GATM: variants seen among roughly 807,000 people sequenced by gnomAD.
GATM encodes the protein glycine amidinotransferase.
In GATM, 23 loss-of-function variants were observed where a neutral mutation model predicts 54.2. The ratio of observed to expected loss-of-function variants is 0.42; its 90% CI spans 0.31 to 0.60. The LOEUF (loss-of-function observed/expected upper bound fraction) is 0.60, where lower values mean the gene tolerates loss of function less well. Ranked by LOEUF, GATM falls within the 20% of genes least tolerant of loss-of-function variation. The pLI is 0.14. For missense variants in GATM, 401 were observed against 544.9 expected, an observed-to-expected ratio of 0.74 and a Z score of 2.63; for synonymous variants, 168 against 183.1, an observed-to-expected ratio of 0.92 and a Z score of 0.67.
chr15:45,366,219 A>G lies in GATM; in HGVS notation c.814-9T>C, dbSNP rs774614737. The G allele has an allele frequency of 1.3e-5, 21 of 1,613,994 alleles. No individual in the cohort carries two copies. Among genetic ancestry groups the G allele is most frequent in the Non-Finnish European group, 1.5e-5 (18 of 1,179,976 alleles). On this transcript the variant is annotated splice_polypyrimidine_tract_variant and intron_variant, in intron 5 of 8. Transcript: ENST00000396659. The stretch of plus-strand genomic sequence containing the variant: ...CCTAGGTAGTTTGTAACCTGAAAAC[A>G]AAAGAAAGACATACGATCGATAAAT...
Position 45,361,913 on chromosome 15 carries a change from G to A in GATM, c.*196C>T. The stretch of plus-strand genomic sequence containing the variant: ...CAAATAGTAAATAACTTTAGGAGTA[G>A]AGAGTAATACCTAGCAGAAGTTATT... On this transcript the variant is annotated 3_prime_UTR_variant, in exon 9 of 9. Transcript: ENST00000396659. 1 of 588,974 alleles carries A rather than the reference G, an allele frequency of 1.7e-6. No individual in the cohort carries two copies. The highest frequency in any genetic ancestry group is 3.0e-6 in the Non-Finnish European group (1 of 331,412). 36.5% of individuals were successfully genotyped at this position (588,974 alleles called of 1,614,324 possible).
chr15:45,395,061 TAGAA>T (rs1165952981), intron 3 of GATM, among the ~76,000 whole-genome samples: 2 of 152,174 alleles, frequency 1.3e-5, no homozygotes, highest in Non-Finnish European at 2.9e-5. Flanking sequence ...TTTAGTGTCT[TAGAA>T]AGAAGAAATC....
In GATM at chr15:45,392,074, T is replaced by G. The variant is rs189744420; in HGVS notation, c.-319+4848A>C. 1.3e-3 allele frequency among the ~76,000 whole-genome samples: 195 copies of G among 152,262 alleles called. 7 individuals carry two copies. The highest frequency in any genetic ancestry group is 1.7e-3 in the Admixed American group (26 of 15,294). On this transcript the variant is annotated intron_variant, in intron 3 of 4. Coordinates refer to the GATM transcript ENST00000561148. The stretch of plus-strand genomic sequence containing the variant: ...TGTACCTCAGCTTTCTCAAATATAA[T>G]AAGGATAATAATAGCATGTAACTCA...
At chr15:45,372,704 G>A (rs988333386) in intron 2 of GATM, among the ~76,000 whole-genome samples, 1 of 152,194 alleles carries the variant, frequency 6.6e-6, no homozygotes, top group Non-Finnish European at 1.5e-5. Flanking sequence ...ATTTGTGCAG[G>A]GTGAAGCTTG....
intron 3 of GATM, among the ~76,000 whole-genome samples, chr15:45,394,552 A>C (rs1889906414): frequency 6.6e-6 from 1 of 152,232 alleles, no homozygotes; most frequent in Admixed American, 6.5e-5. Flanking sequence ...TGTTTGCCAA[A>C]ACTTCATTCC....
rs1203613389 is a variant in GATM, at chr15:45,364,855, A to T, written c.984T>A (p.Asp328Glu). The change falls in exon 7 of 9, where the codon GAT becomes GAA. Residue 328 changes from aspartate to glutamate, a missense_variant. Transcript: ENST00000396659. ...SNPDRPCHQI[D>E]LFKKAGWTII... The stretch of plus-strand genomic sequence containing the variant: ...TAGTCCATCCTGCTTTCTTGAAAAG[A>T]TCAATCTGTAAGACCAAAAAAAACC... 4 of 1,613,832 alleles carry T rather than the reference A, an allele frequency of 2.5e-6. No individual in the cohort carries two copies. The highest frequency in any genetic ancestry group is 3.4e-6 in the Non-Finnish European group (4 of 1,179,892).
At position 45,364,877 on chromosome 15, in the gene GATM, A is replaced by T; in HGVS notation, c.979-17T>A. The T allele has an allele frequency of 6.2e-7, 1 of 1,609,818 alleles. No individual in the cohort carries two copies. On this transcript the variant is annotated splice_polypyrimidine_tract_variant and intron_variant, in intron 6 of 8. Transcript: ENST00000396659. Reference sequence around the variant, plus strand: ...AAGATCAATCTGTAAGACCAAAAAAAACCCCCAAAACCGTTAAATCTACAT... The same window carrying T: ...AAGATCAATCTGTAAGACCAAAAAATACCCCCAAAACCGTTAAATCTACAT...
rs1243885597 is a variant in GATM, at chr15:45,369,243, A to T, written c.484+83T>A. The T allele has an allele frequency of 3.2e-6, 4 of 1,233,664 alleles. No homozygotes were observed. In the African/African-American group the frequency reaches 6.0e-5, roughly 19 times the overall value. The allele number at this position is 1,233,664 out of a possible 1,614,324, so 76.4% of individuals were successfully genotyped here. A position where few individuals can be genotyped will look rare whatever the true frequency, so the allele number is the denominator to read the frequency against. On this transcript the variant is annotated intron_variant, in intron 3 of 8. Transcript: ENST00000396659. ...AGCAAAGCAAAGGACTCTCCAAGAA[A>T]TTTTTTGGAGCTTTCCCCTTACACA...
In GATM at chr15:45,361,599, G is replaced by C. The variant is rs1219606136; in HGVS notation, c.*510C>G. 1 of 218,140 alleles carries C rather than the reference G, an allele frequency of 4.6e-6. No homozygotes were observed. Among genetic ancestry groups the C allele is most frequent in the African/African-American group, 2.3e-5 (1 of 44,168 alleles). 13.5% of individuals were successfully genotyped at this position (218,140 alleles called of 1,614,324 possible). A position where few individuals can be genotyped will look rare whatever the true frequency, so the allele number is the denominator to read the frequency against. The stretch of plus-strand genomic sequence containing the variant: ...TATTAGAAAAAGAGACAATTACCTG[G>C]TTCTACTTAGGATCTGTGTATGTTC... On this transcript the variant is annotated 3_prime_UTR_variant, in exon 9 of 9. Coordinates refer to ENST00000396659, the MANE Select transcript of GATM (RefSeq NM_001482.3).
intron 2 of GATM, among the ~76,000 whole-genome samples, chr15:45,374,106 T>C (rs533825473): frequency 1.3e-5 from 2 of 152,344 alleles, no homozygotes; most frequent in Non-Finnish European, 2.9e-5. Context: ...GATAGCAAAC[T>C]AGCAAACCTC....
chr15:45,370,841 G>A (rs991085624), intron 2 of GATM, among the ~76,000 whole-genome samples: 2 of 152,168 alleles, frequency 1.3e-5, no homozygotes, highest in Admixed American at 6.5e-5. Context: ...CACCATCTCA[G>A]CTCACTGCAA....
chr15:45,375,451 T>C (rs986030793), intron 2 of GATM, among the ~76,000 whole-genome samples: 2 of 152,108 alleles, frequency 1.3e-5, no homozygotes, highest in Non-Finnish European at 2.9e-5. Context: ...TCATTGAAGC[T>C]AGGTGGTGGT....
In GATM at chr15:45,368,044, A is replaced by C. The variant is rs772855229; in HGVS notation, c.675+26T>G. 19 of 1,600,638 alleles carry C rather than the reference A, an allele frequency of 1.2e-5. No homozygotes were observed. In the East Asian group the frequency reaches 4.0e-4, roughly 34 times the overall value. On this transcript the variant is annotated intron_variant, in intron 4 of 8. Transcript: ENST00000396659. The surrounding 1 kb of genome is among the most constrained non-coding windows in gnomAD (Gnocchi z 5.1). Reference sequence around the variant, plus strand: ...TGGATCATTTAGAAAAGTTAGTAATAAGCTAGCCTATAATTAGGGACTCAC... The same window carrying C: ...TGGATCATTTAGAAAAGTTAGTAATCAGCTAGCCTATAATTAGGGACTCAC...
Position 45,364,730 on chromosome 15 carries a change from A to G in GATM, c.1042+67T>C, listed in dbSNP as rs1299815967. 7 of 1,418,640 alleles carry G rather than the reference A, an allele frequency of 4.9e-6. No individual in the cohort carries two copies. In the Admixed American group the frequency reaches 1.0e-4, roughly 20 times the overall value. The allele number at this position is 1,418,640 out of a possible 1,614,324, so 87.9% of individuals were successfully genotyped here. ...GCTGCTAACATTTGGGCTGCTCTCT[A>G]TAGGAGAAAGATCCTTGGTCACTAA... On this transcript the variant is annotated intron_variant, in intron 7 of 8. Coordinates refer to ENST00000396659, the MANE Select transcript of GATM (RefSeq NM_001482.3).
upstream of GATM, among the ~76,000 whole-genome samples, chr15:45,380,810 C>T (rs1219265587): frequency 2.0e-5 from 3 of 152,040 alleles, no homozygotes; most frequent in Admixed American, 1.3e-4. Context: ...GTGTGGATAG[C>T]GCCACCCAAA....
intron 3 of GATM, among the ~76,000 whole-genome samples, chr15:45,392,679 A>G (rs1889885623): frequency 6.6e-6 from 1 of 152,210 alleles, no homozygotes; most frequent in African/African-American, 2.4e-5. Context: ...ATCTCACCAT[A>G]AATTTCCCAA....
chr15:45,386,430 G>C (rs1165411853), intron 3 of GATM, among the ~76,000 whole-genome samples: 1 of 152,168 alleles, frequency 6.6e-6, no homozygotes, highest in Non-Finnish European at 1.5e-5. Context: ...TGTCTGCTTA[G>C]AAACAACTCT....
intron 3 of GATM, among the ~76,000 whole-genome samples, chr15:45,395,350 A>T (rs2140682130): frequency 6.6e-6 from 1 of 152,058 alleles, no homozygotes; most frequent in African/African-American, 2.4e-5. Flanking sequence ...ACCCAAACCA[A>T]TTTTTTTTAG....
At chr15:45,388,636 A>C (rs1349371904) in intron 3 of GATM, among the ~76,000 whole-genome samples, 2 of 152,146 alleles carry the variant, frequency 1.3e-5, no homozygotes, top group Admixed American at 1.3e-4. Flanking sequence ...TATGCTTTGA[A>C]CTGGGTTTAT....
Sources: allele counts gnomAD v4.1 joint callset (sites outside exome capture counted in the v4.1 genomes callset), GRCh38; gene constraint gnomAD v4.1.1; non-coding constraint Gnocchi (gnomAD v3.1); transcripts MANE v1.5; gene names NCBI Gene and HGNC (gene_info 2026-07-23, HGNC 2026-07-21).